Variants in CNTN6 observed in about 807,000 individuals in gnomAD.
CNTN6 encodes the protein contactin 6.
CNTN6 carries 137 observed loss-of-function variants against 122.8 expected under a neutral mutation model. That is an observed-to-expected ratio of 1.12 (90% CI 0.97 to 1.29). CNTN6 has a LOEUF of 1.29. Ranked by LOEUF, CNTN6 falls within the 50% of genes most tolerant of loss-of-function variation. The probability of loss-of-function intolerance (pLI) is 0.00; values close to 1 mark genes in which losing one functional copy is unlikely to be tolerated. For synonymous variants in CNTN6, 570 were observed against 426.0 expected, an observed-to-expected ratio of 1.34 and a Z score of -4.16; for missense variants, 1,634 against 1,223.4, an observed-to-expected ratio of 1.34 and a Z score of -5.01.
At position 1,383,033 on chromosome 3, in the gene CNTN6, T is replaced by TAAA; in HGVS notation, c.2258_2259insAAA (p.Val753_Ser754insLys). 2 of 1,614,064 alleles carry TAAA rather than the reference T, an allele frequency of 1.2e-6. No homozygotes were observed. The highest frequency in any genetic ancestry group is 1.1e-5 in the South Asian group (1 of 91,078). ...TCGACAACCTGGTCCAAGGAGAAAG[T>TAAA]GTCATCTGTGGAATCATCAAGGTTT... On this transcript the variant is annotated inframe_insertion, in exon 18 of 23. Coordinates refer to ENST00000446702, the MANE Select transcript of CNTN6 (RefSeq NM_001289080.2).
chr3:1,135,179 A>G (rs1408235543), intron 1 of CNTN6, among the ~76,000 whole-genome samples: 1 of 150,178 alleles, frequency 6.7e-6, no homozygotes, highest in Non-Finnish European at 1.5e-5. Flanking sequence ...TCCCAAATGA[A>G]TAATGCATTT....
chr3:1,158,824 A>AGTGTG (rs2093041954), intron 2 of CNTN6, among the ~76,000 whole-genome samples: 11 of 76,208 alleles, frequency 1.4e-4, no homozygotes, highest in African/African-American at 4.6e-4. Flanking sequence ...ATACACACAC[A>AGTGTG]TATATATACA....
At chr3:1,278,365 A>G (rs963650795) in intron 4 of CNTN6, 48 bp from the exon 5 acceptor site, 1 of 1,252,484 alleles carries the variant, frequency 8.0e-7, no homozygotes, top group South Asian at 1.4e-5. Flanking sequence ...TAAAATATTT[A>G]TTCTGCAAAG....
chr3:1,279,371 C>G (rs974703668), intron 5 of CNTN6, among the ~76,000 whole-genome samples: 7 of 32,278 alleles, frequency 2.2e-4, no homozygotes, highest in African/African-American at 7.8e-4. Flanking sequence ...TGGTACAAAC[C>G]AATATCACAC....
At chr3:1,219,394 A>G (rs1384761361) in intron 2 of CNTN6, among the ~76,000 whole-genome samples, 1 of 152,182 alleles carries the variant, frequency 6.6e-6, no homozygotes, top group African/African-American at 2.4e-5. Context: ...GGAGGAGAGG[A>G]TAGAGGGAAA....
intron 1 of CNTN6, chr3:1,128,467 C>T (rs1486589727): frequency 6.6e-6 from 1 of 152,012 alleles, no homozygotes; most frequent in Non-Finnish European, 1.5e-5. Context: ...ACTGCCTCCC[C>T]ACTCCACAAT....
chr3:1,102,909 C>T (rs559707586), intron 1 of CNTN6, among the ~76,000 whole-genome samples: 281 of 150,894 alleles, frequency 1.9e-3, no homozygotes, highest in African/African-American at 6.1e-3. Flanking sequence ...AGATCGAGAC[C>T]ATCCTGGCTA....
Position 1,297,939 on chromosome 3 carries a change from A to G in CNTN6, c.709A>G (p.Ile237Val), listed in dbSNP as rs1457245310. ...GATTGAAGTGCGTTTTCCTGAAACT[A>G]TACAAGCTGCAAAGGATTCATCTGT... ...PKIEVRFPET[I>V]QAAKDSSVKL... Residue 237 changes from isoleucine (I) to valine (V), a missense_variant, in exon 7 of 23, where the codon ATA (isoleucine) becomes GTA (valine). Physicochemically the swap from Ile to Val is conservative, Grantham distance 29. Transcript: ENST00000446702. 4.3e-6 allele frequency: 7 copies of G among 1,613,060 alleles called. No individual in the cohort carries two copies. Among genetic ancestry groups the G allele is most frequent in the South Asian group, 3.3e-5 (3 of 90,496 alleles).
chr3:1,253,226 G>T (rs1413276583), intron 4 of CNTN6, among the ~76,000 whole-genome samples: 1 of 152,128 alleles, frequency 6.6e-6, no homozygotes, highest in Non-Finnish European at 1.5e-5. Context: ...GCCCAGCATT[G>T]TGACACCATG....
At chr3:1,169,462 G>C (rs910348604) in intron 2 of CNTN6, among the ~76,000 whole-genome samples, 6 of 152,110 alleles carry the variant, frequency 3.9e-5, no homozygotes, top group African/African-American at 1.4e-4. Flanking sequence ...TGCATATTTA[G>C]CTTTTCAGGG....
chr3:1,250,201 C>A, intron 4 of CNTN6, among the ~76,000 whole-genome samples: 1 of 152,130 alleles, frequency 6.6e-6, no homozygotes, highest in East Asian at 1.9e-4. Flanking sequence ...ATTTTCACAG[C>A]AAGTGAATGG....
At chr3:1,400,487 C>A (rs1266506812) in intron 20 of CNTN6, among the ~76,000 whole-genome samples, 2 of 92,944 alleles carry the variant, frequency 2.2e-5, no homozygotes, top group Non-Finnish European at 5.0e-5. Flanking sequence ...CTCACGCAGA[C>A]AACATTAATT....
intron 2 of CNTN6, among the ~76,000 whole-genome samples, chr3:1,204,614 T>C (rs181120796): frequency 6.6e-6 from 1 of 152,300 alleles, no homozygotes; most frequent in Admixed American, 6.5e-5. Flanking sequence ...CACCATTCCA[T>C]AGTTTTATTT....
chr3:1,255,216 G>A (rs2094733964), intron 4 of CNTN6, among the ~76,000 whole-genome samples: 1 of 152,098 alleles, frequency 6.6e-6, no homozygotes, highest in Non-Finnish European at 1.5e-5. Flanking sequence ...CCAGATTGAG[G>A]AATGGTGAAA....
In CNTN6 at chr3:1,215,368, T is replaced by C. The variant is rs191998569; in HGVS notation, c.56-5319T>C. On this transcript the variant is annotated intron_variant, in intron 2 of 22. Transcript: ENST00000446702. ...TGTGCTTTTTTCACATTATGTGAGA[T>C]AATTACAATCATCTCAAAACATTAT... 1.4e-4 allele frequency among the ~76,000 whole-genome samples: 21 copies of C among 152,344 alleles called. No homozygotes were observed. The East Asian group carries it at 4.1e-3, about 29-fold the overall frequency.
At chr3:1,281,250 C>G (rs768050510) in intron 5 of CNTN6, among the ~76,000 whole-genome samples, 1 of 152,168 alleles carries the variant, frequency 6.6e-6, no homozygotes, top group Non-Finnish European at 1.5e-5. Flanking sequence ...TTTCCAATCT[C>G]CCTAAAGGCT....
chr3:1,302,936 T>C (rs1483462868), intron 7 of CNTN6, among the ~76,000 whole-genome samples: 1 of 73,184 alleles, frequency 1.4e-5, no homozygotes, highest in Non-Finnish European at 3.5e-5. Flanking sequence ...TCTTAATCTT[T>C]TTAAAATTTT....
intron 4 of CNTN6, among the ~76,000 whole-genome samples, chr3:1,251,318 C>T (rs1034629491): frequency 1.3e-5 from 2 of 152,176 alleles, no homozygotes; most frequent in Admixed American, 1.3e-4. Flanking sequence ...GTCTGACTCA[C>T]TCTCTCCAGT....
intron 7 of CNTN6, among the ~76,000 whole-genome samples, chr3:1,317,218 AT>A (rs1233060734): frequency 2.0e-5 from 3 of 151,060 alleles, no homozygotes; most frequent in Admixed American, 1.3e-4. Context: ...TTTTATCATT[AT>A]TTTTTGATAA....
Sources: allele counts gnomAD v4.1 joint callset (sites outside exome capture counted in the v4.1 genomes callset), GRCh38; gene constraint gnomAD v4.1.1; transcripts MANE v1.5; gene names NCBI Gene and HGNC (gene_info 2026-07-23, HGNC 2026-07-21).